The following NLGN4X variants were observed in gnomAD, a reference collection of about 807,000 sequenced individuals.
The protein encoded by NLGN4X is neuroligin 4 X-linked.
Under a neutral mutation model 40.3 loss-of-function variants are expected in NLGN4X, and 3 were observed. That is an observed-to-expected ratio of 0.07 (90% CI 0.03 to 0.19). The LOEUF (loss-of-function observed/expected upper bound fraction) is 0.19. NLGN4X is among the 10% of genes least tolerant of loss of function. The pLI is 1.00. For missense variants in NLGN4X, 382 were observed against 708.3 expected (o/e 0.54, Z 5.23); for synonymous variants, 270 against 306.8 (o/e 0.88, Z 1.25).
chrX:5,899,672 C>A (rs1427809796), intron 5 of NLGN4X, among the ~76,000 whole-genome samples: 1 of 100,685 alleles, frequency 9.9e-6, no homozygotes, highest in Non-Finnish European at 2.0e-5. Flanking sequence ...CTTCCTTTAT[C>A]TTTTTCTGTC....
At chrX:6,070,648 T>C (rs978608947) in intron 2 of NLGN4X, among the ~76,000 whole-genome samples, 1 of 112,014 alleles carries the variant, frequency 8.9e-6, no homozygotes, top group Non-Finnish European at 1.9e-5. Flanking sequence ...AGTGTCCTAG[T>C]TTGTTTTCAC....
intron 3 of NLGN4X, among the ~76,000 whole-genome samples, chrX:5,990,172 TAAG>T (rs1165625423): frequency 9.3e-6 from 1 of 107,031 alleles, no homozygotes; most frequent in Non-Finnish European, 1.9e-5. Context: ...CAGTGGGCAA[TAAG>T]AAGGCTTCAA....
chrX:5,978,486 T>G (rs948999821), intron 3 of NLGN4X, among the ~76,000 whole-genome samples: 6 of 111,009 alleles, frequency 5.4e-5, no homozygotes, highest in Non-Finnish European at 1.1e-4. Flanking sequence ...TCAGACATAC[T>G]GAAGGCTCTT....
chrX:6,026,373 C>T (rs745942823), intron 3 of NLGN4X, among the ~76,000 whole-genome samples: 1 of 112,017 alleles, frequency 8.9e-6, no homozygotes, highest in African/African-American at 3.2e-5. Flanking sequence ...ATTGTATCTA[C>T]TTGTATGAAA....
At chrX:6,041,599 T>C (rs1186392789) in intron 2 of NLGN4X, among the ~76,000 whole-genome samples, 1 of 112,297 alleles carries the variant, frequency 8.9e-6, no homozygotes, top group African/African-American at 3.2e-5. Flanking sequence ...AATTATTCAC[T>C]GTAGTTGGCA....
chrX:5,921,391 CAGAG>C (rs56879029), intron 3 of NLGN4X, among the ~76,000 whole-genome samples: 1,034 of 53,065 alleles, frequency 0.019, 16 homozygotes, highest in Non-Finnish European at 0.024. Context: ...GAAAATGAAC[CAGAG>C]AGAGAGAGAG....
rs1026455607 is a variant in NLGN4X, at chrX:5,993,725, C to T, written c.625+35555G>A. On this transcript the variant is annotated intron_variant, in intron 3 of 5. Transcript: ENST00000381095. ...GCCGGAGGGTTGGCCCTGTCAGCTACGATGGTGATGGAGCCAAATGTGAAC... is the reference window on the plus strand; with the variant it reads ...GCCGGAGGGTTGGCCCTGTCAGCTATGATGGTGATGGAGCCAAATGTGAAC... Among the ~76,000 whole-genome samples, 12 of 111,802 alleles carry T rather than the reference C, an allele frequency of 1.1e-4. 1 individual carries two copies. The highest frequency in any genetic ancestry group is 7.6e-4 in the Admixed American group (8 of 10,507).
At chrX:6,182,714 G>C (rs7062085) in intron 1 of NLGN4X, among the ~76,000 whole-genome samples, 3,230 of 111,436 alleles carry the variant, frequency 0.029, 126 homozygotes, top group African/African-American at 0.098. Flanking sequence ...GTCAGAGAGG[G>C]AGATGTGACC....
rs371122615 is a variant in NLGN4X at position 6,015,534 on chromosome X, T to C, written c.625+13746A>G. 8.1e-5 allele frequency among the ~76,000 whole-genome samples: 9 copies of C among 111,477 alleles called. No homozygotes were observed. The South Asian group carries it at 3.1e-3, about 38-fold the overall frequency. On this transcript the variant is annotated intron_variant, in intron 3 of 5. Coordinates refer to ENST00000381095, the MANE Select transcript of NLGN4X (RefSeq NM_181332.3). ...CAGTTATAAAGAGTTATATGCCTCA[T>C]AGTCAATGAATAAATTTGCACTGCA...
intron 1 of NLGN4X, among the ~76,000 whole-genome samples, chrX:6,209,567 C>T (rs1039427286): frequency 3.6e-5 from 4 of 111,482 alleles, no homozygotes; most frequent in African/African-American, 1.3e-4. Flanking sequence ...TTTAAAATAT[C>T]TGAGTAAATC....
At chrX:5,943,047 T>C (rs1301829250) in intron 3 of NLGN4X, among the ~76,000 whole-genome samples, 1 of 111,458 alleles carries the variant, frequency 9.0e-6, no homozygotes, top group Non-Finnish European at 1.9e-5. Context: ...AGTGGGTCCA[T>C]GATACTGAGA....
At chrX:6,032,639 G>T in intron 2 of NLGN4X, 2 of 793,023 alleles carry the variant, frequency 2.5e-6, no homozygotes, top group Non-Finnish European at 3.6e-6. Context: ...AAGAGAGATA[G>T]ATAGATATAA....
intron 3 of NLGN4X, among the ~76,000 whole-genome samples, chrX:6,009,297 T>A (rs1000263143): frequency 7.1e-5 from 8 of 111,936 alleles, no homozygotes; most frequent in African/African-American, 2.6e-4. Flanking sequence ...AATTGTTGGA[T>A]CACATATGGT....
chrX:5,899,705 TA>T lies in NLGN4X; in HGVS notation c.1601+3371del, dbSNP rs200326891. 1.5e-3 allele frequency among the ~76,000 whole-genome samples: 150 copies of T among 101,700 alleles called. 2 individuals are homozygous for T. The East Asian group carries it at 0.016, about 11-fold the overall frequency. 88.3% of individuals were successfully genotyped at this position (101,700 alleles called of 115,157 possible). A position where few individuals can be genotyped will look rare whatever the true frequency, so the allele number is the denominator to read the frequency against. ...GTCTTTTTTCCTTTTTTTTTTTTTT[TA>T]TTTTTTTTTAATAATGAGAGAGCCA... On this transcript the variant is annotated intron_variant, in intron 5 of 5. Transcript: ENST00000381095.
intron 3 of NLGN4X, among the ~76,000 whole-genome samples, chrX:5,976,285 A>G (rs988446032): frequency 8.9e-6 from 1 of 112,488 alleles, no homozygotes; most frequent in African/African-American, 3.2e-5. Flanking sequence ...TTCCTAGTGA[A>G]CAAAGGTCAC....
chrX:5,960,062 GAA>G (rs952617687), intron 3 of NLGN4X, among the ~76,000 whole-genome samples: 5 of 111,397 alleles, frequency 4.5e-5, no homozygotes, highest in African/African-American at 1.6e-4. Context: ...TGCAAAAGTA[GAA>G]AGAGGGTTTT....
At chrX:6,154,863 C>T (rs12839267) in intron 1 of NLGN4X, among the ~76,000 whole-genome samples, 4,153 of 111,521 alleles carry the variant, frequency 0.037, 198 homozygotes, top group African/African-American at 0.13. Context: ...GTTATTCTGA[C>T]TCAGGTTGCA....
intron 1 of NLGN4X, among the ~76,000 whole-genome samples, chrX:6,182,468 C>A (rs900558279): frequency 9.8e-5 from 11 of 111,788 alleles, no homozygotes; most frequent in Non-Finnish European, 1.7e-4. Flanking sequence ...ACTAAGATGA[C>A]CCCTGAGATG....
At chrX:5,982,994 G>A (rs1482948243) in intron 3 of NLGN4X, among the ~76,000 whole-genome samples, 2 of 112,521 alleles carry the variant, frequency 1.8e-5, no homozygotes, top group Non-Finnish European at 3.8e-5. Flanking sequence ...AGAAACTGTG[G>A]GAGTTCTTGC....
Sources: allele counts gnomAD v4.1 joint callset (sites outside exome capture counted in the v4.1 genomes callset), GRCh38; gene constraint gnomAD v4.1.1; transcripts MANE v1.5; gene names NCBI Gene and HGNC (gene_info 2026-07-23, HGNC 2026-07-21).